EPHA3: variants seen among roughly 807,000 people sequenced by gnomAD.
The protein encoded by EPHA3 is ephrin type-A receptor 3.
In EPHA3, 42 loss-of-function variants were observed where a neutral mutation model predicts 107.1. That is an observed-to-expected ratio of 0.39 (90% CI 0.31 to 0.51). The LOEUF (loss-of-function observed/expected upper bound fraction) is 0.51, where lower values mean the gene tolerates loss of function less well. Ranked by LOEUF, EPHA3 falls within the 20% of genes least tolerant of loss-of-function variation. The pLI, the probability that EPHA3 is intolerant of heterozygous loss-of-function variation, is 0.78. For synonymous variants in EPHA3, 461 were observed against 424.8 expected (o/e 1.09, Z -1.05); for missense variants, 1,183 against 1,211.2 (o/e 0.98, Z 0.35).
chr3:89,409,038 C>T (rs1709108530), intron 9 of EPHA3, among the ~76,000 whole-genome samples: 1 of 152,008 alleles, frequency 6.6e-6, no homozygotes, highest in Non-Finnish European at 1.5e-5. Context: ...AACTTGACTA[C>T]CTGTTGCTAA....
intron 5 of EPHA3, among the ~76,000 whole-genome samples, chr3:89,342,852 T>TACACACACAC (rs1424691742): frequency 7.7e-6 from 1 of 129,800 alleles, no homozygotes; most frequent in African/African-American, 3.4e-5. Flanking sequence ...GTCTTATTTT[T>TACACACACAC]ACACATACAC....
At chr3:89,233,888 C>T (rs541628371) in intron 3 of EPHA3, among the ~76,000 whole-genome samples, 2 of 152,174 alleles carry the variant, frequency 1.3e-5, no homozygotes, top group Non-Finnish European at 2.9e-5. Context: ...AACCAAATTA[C>T]TAGTGTCATA....
Position 89,449,327 on chromosome 3 carries a change from G to A in EPHA3, c.2449G>A (p.Val817Met), listed in dbSNP as rs753130827. The change falls in exon 14 of 17, where the codon GTG (valine) becomes ATG (methionine). Residue 817 changes from valine to methionine, a missense_variant. Val to Met is a conservative substitution (Grantham distance 21). Transcript: ENST00000336596. ...VWSYGIVLWE[V>M]MSYGERPYWE... ...GAGTTATGGGATTGTTCTCTGGGAG[G>A]TGATGTCTTATGGAGAGAGACCATA... 1.9e-6 allele frequency: 3 copies of A among 1,610,244 alleles called. No homozygotes were observed. Among genetic ancestry groups the A allele is most frequent in the Admixed American group, 1.7e-5 (1 of 59,936 alleles).
intron 2 of EPHA3, among the ~76,000 whole-genome samples, chr3:89,150,180 C>T (rs1357591840): frequency 6.6e-6 from 1 of 151,792 alleles, no homozygotes. Flanking sequence ...TCTAATAAGT[C>T]AAATTATGTT....
intron 3 of EPHA3, among the ~76,000 whole-genome samples, chr3:89,327,553 A>G (rs976619277): frequency 6.6e-6 from 1 of 152,168 alleles, no homozygotes; most frequent in Non-Finnish European, 1.5e-5. Flanking sequence ...TAGGTGTACT[A>G]TTAGATGTGT....
chr3:89,408,064 C>T lies in EPHA3; in HGVS notation c.1698-3C>T. On this transcript the variant is annotated splice_polypyrimidine_tract_variant and splice_region_variant and intron_variant, in intron 8 of 16. Coordinates refer to ENST00000336596, the MANE Select transcript of EPHA3 (RefSeq NM_005233.6). Reference sequence around the variant, plus strand: ...GTGTTCGCTTTCCTTGATTTACCTCCAGGTTCTGTGGCTATAAGTCAAAAC... The same window carrying T: ...GTGTTCGCTTTCCTTGATTTACCTCTAGGTTCTGTGGCTATAAGTCAAAAC... The T allele has an allele frequency of 6.2e-7, 1 of 1,612,456 alleles. No homozygotes were observed. The highest frequency in any genetic ancestry group is 8.5e-7 in the Non-Finnish European group (1 of 1,178,902).
At chr3:89,420,959 A>G (rs1202909244) in intron 11 of EPHA3, among the ~76,000 whole-genome samples, 2 of 151,452 alleles carry the variant, frequency 1.3e-5, no homozygotes, top group African/African-American at 2.4e-5. Flanking sequence ...TCTCTCTTAC[A>G]TTTGAACAAA....
intron 3 of EPHA3, among the ~76,000 whole-genome samples, chr3:89,264,827 A>G (rs1705499733): frequency 6.6e-6 from 1 of 152,166 alleles, no homozygotes; most frequent in Non-Finnish European, 1.5e-5. Context: ...AAATAATGTC[A>G]TGGGCAAAAT....
chr3:89,318,044 G>A (rs1279874730), intron 3 of EPHA3, among the ~76,000 whole-genome samples: 8 of 151,704 alleles, frequency 5.3e-5, no homozygotes, highest in Admixed American at 4.0e-4. Flanking sequence ...TATTTGACAG[G>A]CATCAATAAT....
In EPHA3 at chr3:89,424,455, C is replaced by A. The variant is rs77434160; in HGVS notation, c.2075-4651C>A. ...TAATAGTAAAACTTTAAAAGCATTT[C>A]TTTTCGAGAGAAAACAAAAAGCCTG... On this transcript the variant is annotated intron_variant, in intron 11 of 16. Coordinates refer to ENST00000336596, the MANE Select transcript of EPHA3 (RefSeq NM_005233.6). Among the ~76,000 whole-genome samples the A allele has an allele frequency of 1.6e-3, 242 of 151,400 alleles. 8 individuals are homozygous for A. Among genetic ancestry groups the A allele is most frequent in the East Asian group, 0.012 (63 of 5,150 alleles).
At chr3:89,299,195 C>T (rs1334645640) in intron 3 of EPHA3, among the ~76,000 whole-genome samples, 1 of 151,826 alleles carries the variant, frequency 6.6e-6, no homozygotes, top group African/African-American at 2.4e-5. Context: ...CCACTTTGAA[C>T]AAGAATAATC....
chr3:89,228,671 T>C (rs529019282), intron 3 of EPHA3, among the ~76,000 whole-genome samples: 13 of 152,050 alleles, frequency 8.5e-5, no homozygotes, highest in African/African-American at 2.9e-4. Flanking sequence ...GTAACACCTA[T>C]GAAAAATGTG....
At chr3:89,388,538 A>T (rs116192717) in intron 5 of EPHA3, among the ~76,000 whole-genome samples, 2,432 of 152,282 alleles carry the variant, frequency 0.016, 67 homozygotes, top group African/African-American at 0.055. Flanking sequence ...CAGGTGGAAA[A>T]GAGAGAGATC....
At chr3:89,452,226 G>A (rs553714257) in intron 15 of EPHA3, among the ~76,000 whole-genome samples, 2 of 152,258 alleles carry the variant, frequency 1.3e-5, no homozygotes, top group African/African-American at 4.8e-5. Context: ...TATACCCAGA[G>A]TGGGATTGCT....
At chr3:89,174,181 G>A (rs1294731792) in intron 2 of EPHA3, among the ~76,000 whole-genome samples, 1 of 151,984 alleles carries the variant, frequency 6.6e-6, no homozygotes, top group Non-Finnish European at 1.5e-5. Flanking sequence ...TCTGTTTTCT[G>A]TTGGTGAAAG....
chr3:89,206,326 T>A (rs1344094789), intron 2 of EPHA3, among the ~76,000 whole-genome samples: 1 of 152,204 alleles, frequency 6.6e-6, no homozygotes, highest in African/African-American at 2.4e-5. Flanking sequence ...TATGAAAACC[T>A]CTACACAATA....
intron 13 of EPHA3, among the ~76,000 whole-genome samples, chr3:89,442,023 A>G (rs979773482): frequency 1.3e-5 from 2 of 152,182 alleles, no homozygotes; most frequent in African/African-American, 4.8e-5. Flanking sequence ...AAGCACTTGT[A>G]TCTTACTAAA....
rs1189181878 is a variant in EPHA3, at chr3:89,359,732, TATATAC to T, written c.1306+17644_1306+17649del. 4.5e-3 allele frequency among the ~76,000 whole-genome samples: 643 copies of T among 141,560 alleles called. 12 individuals carry two copies. The highest frequency in any genetic ancestry group is 0.013 in the African/African-American group (494 of 38,066). The allele number at this position is 141,560 out of a possible 152,430, so 92.9% of individuals were successfully genotyped here. ...GTGTGTGTATATATATATACATACA[TATATAC>T]ACATATATACACATATATACACATA... On this transcript the variant is annotated intron_variant, in intron 5 of 16. Coordinates refer to ENST00000336596, the MANE Select transcript of EPHA3 (RefSeq NM_005233.6).
intron 2 of EPHA3, among the ~76,000 whole-genome samples, chr3:89,206,412 C>A (rs1706105719): frequency 6.6e-6 from 1 of 152,130 alleles, no homozygotes; most frequent in African/African-American, 2.4e-5. Context: ...GTAACAATCT[C>A]ATTTATTACT....
Sources: allele counts gnomAD v4.1 joint callset (sites outside exome capture counted in the v4.1 genomes callset), GRCh38; gene constraint gnomAD v4.1.1; transcripts MANE v1.5; gene names NCBI Gene and HGNC (gene_info 2026-07-23, HGNC 2026-07-21).